Variants in PCDHA11 observed in about 807,000 individuals in gnomAD.
PCDHA11 encodes the protein protocadherin alpha-11.
PCDHA11 carries 61 observed loss-of-function variants against 70.3 expected under a neutral mutation model. The observed-to-expected ratio is 0.87, with a 90% CI of 0.71 to 1.07. PCDHA11 has a LOEUF of 1.07. PCDHA11 is among the 50% of genes least tolerant of loss of function. The probability of loss-of-function intolerance (pLI) is 0.00; values close to 1 mark genes in which losing one functional copy is unlikely to be tolerated. For missense variants in PCDHA11, 1,324 were observed against 1,237.5 expected (o/e 1.07, Z -1.05); for synonymous variants, 633 against 555.1 (o/e 1.14, Z -1.97).
At chr5:141,007,688 C>A (rs1554261446) in intron 3 of PCDHA11, among the ~76,000 whole-genome samples, 1 of 152,170 alleles carries the variant, frequency 6.6e-6, no homozygotes, top group Admixed American at 6.5e-5. Flanking sequence ...ATCCTACTTC[C>A]ACCTCCCTCC....
At chr5:140,969,760 C>T (rs1166018588) in intron 1 of PCDHA11, among the ~76,000 whole-genome samples, 1 of 152,194 alleles carries the variant, frequency 6.6e-6, no homozygotes, top group Non-Finnish European at 1.5e-5. Flanking sequence ...TTAAAAAGCT[C>T]TGAGGCCTCT....
intron 1 of PCDHA11, among the ~76,000 whole-genome samples, chr5:140,943,778 G>A (rs1554215923): frequency 6.6e-6 from 1 of 152,242 alleles, no homozygotes; most frequent in African/African-American, 2.4e-5. Flanking sequence ...AAACTAGGAA[G>A]TGGTCCTTTA....
intron 1 of PCDHA11, among the ~76,000 whole-genome samples, chr5:140,976,735 T>G (rs1412647375): frequency 1.3e-5 from 2 of 152,160 alleles, no homozygotes; most frequent in Non-Finnish European, 2.9e-5. Flanking sequence ...TTAAACACAT[T>G]TTAAAAACCT....
Position 140,998,756 on chromosome 5 carries a change from G to A in PCDHA11, c.2540-10871G>A, listed in dbSNP as rs78235138. Among the ~76,000 whole-genome samples, 197 of 152,232 alleles carry A rather than the reference G, an allele frequency of 1.3e-3. 4 individuals carry two copies. In the East Asian group the frequency reaches 0.035, roughly 27 times the overall value. On this transcript the variant is annotated intron_variant, in intron 3 of 3. Coordinates refer to ENST00000398640, the MANE Select transcript of PCDHA11 (RefSeq NM_018902.5). Reference sequence around the variant, plus strand: ...ATTTTGTATTTTTAGAAGAGACACAGTTTCACTATGTTGGTCAGGCTGGTC... The same window carrying A: ...ATTTTGTATTTTTAGAAGAGACACAATTTCACTATGTTGGTCAGGCTGGTC...
intron 1 of PCDHA11, chr5:140,881,346 A>G (rs534939044): frequency 1.0e-6 from 1 of 985,162 alleles, no homozygotes; most frequent in Non-Finnish European, 1.2e-6. Context: ...GATTCGGGCT[A>G]CAATGCGTGG....
At chr5:140,931,951 G>A (rs1366094994) in intron 1 of PCDHA11, among the ~76,000 whole-genome samples, 1 of 151,826 alleles carries the variant, frequency 6.6e-6, no homozygotes, top group Non-Finnish European at 1.5e-5. Flanking sequence ...GAGTCTTACA[G>A]AATCATGTTG....
At chr5:140,921,213 G>C (rs759293646) in intron 1 of PCDHA11, among the ~76,000 whole-genome samples, 2 of 151,378 alleles carry the variant, frequency 1.3e-5, no homozygotes, top group African/African-American at 2.4e-5. Flanking sequence ...GATAATTCAC[G>C]TCTTTTTTGC....
At chr5:140,994,657 A>G (rs2097643468) in intron 3 of PCDHA11, among the ~76,000 whole-genome samples, 1 of 152,166 alleles carries the variant, frequency 6.6e-6, no homozygotes, top group Non-Finnish European at 1.5e-5. Flanking sequence ...GTGAGCTGAG[A>G]TCACACTACT....
chr5:140,870,962 C>T lies in PCDHA11; in HGVS notation c.1859C>T (p.Pro620Leu), dbSNP rs1489353896. 1.9e-6 allele frequency: 3 copies of T among 1,613,532 alleles called. No individual in the cohort carries two copies. Among genetic ancestry groups the T allele is most frequent in the Admixed American group, 1.7e-5 (1 of 59,998 alleles). ...CCGGCGGCGGGCGGCTCGCGCATCC[C>T]GTTCCGCGTGGGGCTGTACACGGGC... The part of the protein sequence containing the change: ...LQPAAGGSRI[P>L]FRVGLYTGEI... The change falls in exon 1 of 4, where the codon CCG becomes CTG. Residue 620 changes from proline (P) to leucine (L), a missense_variant. Transcript: ENST00000398640.
At chr5:140,937,291 C>T (rs940890612) in intron 1 of PCDHA11, among the ~76,000 whole-genome samples, 1 of 152,104 alleles carries the variant, frequency 6.6e-6, no homozygotes, top group African/African-American at 2.4e-5. Flanking sequence ...CCCGCTTCGG[C>T]CTCCCAAAGT....
At chr5:140,942,867 C>T (rs1023164811) in intron 1 of PCDHA11, among the ~76,000 whole-genome samples, 5 of 151,858 alleles carry the variant, frequency 3.3e-5, no homozygotes, top group Admixed American at 1.3e-4. Context: ...TTTGCTTTAG[C>T]ATGACAACTT....
chr5:140,882,265 T>A (rs782012488), intron 1 of PCDHA11: 2 of 1,609,948 alleles, frequency 1.2e-6, no homozygotes, highest in African/African-American at 2.7e-5. Flanking sequence ...TTTTGGAGTG[T>A]ACCATGCTGT....
intron 1 of PCDHA11, among the ~76,000 whole-genome samples, chr5:140,889,484 A>G (rs2062245315): frequency 6.6e-6 from 1 of 152,158 alleles, no homozygotes; most frequent in Admixed American, 6.5e-5. Context: ...TACTTTCTAC[A>G]GAATCTATAG....
rs180683275 is a variant in PCDHA11 at position 140,985,540 on chromosome 5, T to C, written c.2539+2977T>C. 7.6e-3 allele frequency among the ~76,000 whole-genome samples: 1,162 copies of C among 152,268 alleles called. 7 individuals are homozygous for C. The highest frequency in any genetic ancestry group is 0.012 in the Non-Finnish European group (785 of 68,010). On this transcript the variant is annotated intron_variant, in intron 3 of 3. Coordinates refer to ENST00000398640, the MANE Select transcript of PCDHA11 (RefSeq NM_018902.5). ...TGCCCTTAAAGCTTCACGGTGAAGATGCAGTTGCTTCCAAAAGGCTTCTTT... is the reference window on the plus strand; with the variant it reads ...TGCCCTTAAAGCTTCACGGTGAAGACGCAGTTGCTTCCAAAAGGCTTCTTT...
chr5:140,903,273 T>G (rs1213268192), intron 1 of PCDHA11, among the ~76,000 whole-genome samples: 2 of 152,228 alleles, frequency 1.3e-5, no homozygotes, highest in Non-Finnish European at 2.9e-5. Flanking sequence ...AGTGAGGTAG[T>G]GTCTCATTGT....
intron 2 of PCDHA11, among the ~76,000 whole-genome samples, chr5:140,980,838 A>G (rs141603230): frequency 5.3e-5 from 8 of 152,320 alleles, no homozygotes; most frequent in African/African-American, 1.4e-4. Flanking sequence ...GTGAACCTAA[A>G]TAATACTAAT....
chr5:140,996,944 ATATT>A (rs2097754010), intron 3 of PCDHA11, among the ~76,000 whole-genome samples: 1 of 152,144 alleles, frequency 6.6e-6, no homozygotes, highest in Non-Finnish European at 1.5e-5. Flanking sequence ...TTGCATAGAA[ATATT>A]TATTTCCCTC....
Position 141,011,329 on chromosome 5 carries a change from T to G in PCDHA11, c.*1392T>G, listed in dbSNP as rs924246191. 6.5e-6 allele frequency: 1 copy of G among 153,804 alleles called. No homozygotes were observed. Among genetic ancestry groups the G allele is most frequent in the African/African-American group, 2.4e-5 (1 of 41,472 alleles). 9.5% of individuals were successfully genotyped at this position (153,804 alleles called of 1,614,324 possible). ...TTGCTAATCTTACTAACACCTATGA[T>G]GTTACCTGAAATCAATCTCCCATAT... is the stretch of plus-strand genomic sequence containing the variant. On this transcript the variant is annotated 3_prime_UTR_variant, in exon 4 of 4. Coordinates refer to ENST00000398640, the MANE Select transcript of PCDHA11 (RefSeq NM_018902.5).
Position 140,890,802 on chromosome 5 carries a change from A to G in PCDHA11, c.2391+19308A>G, listed in dbSNP as rs1401387956. On this transcript the variant is annotated intron_variant, in intron 1 of 3. Transcript: ENST00000398640. The stretch of plus-strand genomic sequence containing the variant: ...TAAGATATTAGTATTATTTTATACA[A>G]TCAACATTGTTTTAAATGTACTTAC... 5.3e-5 allele frequency among the ~76,000 whole-genome samples: 8 copies of G among 152,310 alleles called. 1 individual carries two copies. Among genetic ancestry groups the G allele is most frequent in the Admixed American group, 4.6e-4 (7 of 15,296 alleles).
Sources: allele counts gnomAD v4.1 joint callset (sites outside exome capture counted in the v4.1 genomes callset), GRCh38; gene constraint gnomAD v4.1.1; transcripts MANE v1.5; gene names NCBI Gene and HGNC (gene_info 2026-07-23, HGNC 2026-07-21).